The following KIAA2012 variants were observed in gnomAD, a reference collection of about 807,000 sequenced individuals.
KIAA2012 encodes the protein uncharacterized protein KIAA2012.
KIAA2012 carries 125 observed loss-of-function variants against 150.6 expected under a neutral mutation model. That is an observed-to-expected ratio of 0.83 (90% CI 0.72 to 0.96). The LOEUF (loss-of-function observed/expected upper bound fraction) is 0.96. KIAA2012 is among the 40% of genes least tolerant of loss of function. The pLI is 0.00. For missense variants in KIAA2012, 1,219 were observed against 1,354.9 expected, an observed-to-expected ratio of 0.90 and a Z score of 1.57; for synonymous variants, 462 against 504.7, an observed-to-expected ratio of 0.92 and a Z score of 1.13.
At chr2:202,115,224 A>G (rs1251646753) in intron 11 of KIAA2012, 1 of 152,040 alleles carries the variant, frequency 6.6e-6, no homozygotes, top group Admixed American at 6.6e-5. Flanking sequence ...TAATTGCAAA[A>G]ACCACAATTA....
chr2:202,078,503 G>T (rs1447192353), intron 2 of KIAA2012, among the ~76,000 whole-genome samples: 1 of 152,028 alleles, frequency 6.6e-6, no homozygotes, highest in Admixed American at 6.5e-5. Context: ...TGCCCAAGCT[G>T]GTCTCGAACT....
At chr2:202,169,865 A>G (rs1057051309) in intron 15 of KIAA2012, among the ~76,000 whole-genome samples, 5 of 152,164 alleles carry the variant, frequency 3.3e-5, no homozygotes, top group African/African-American at 1.2e-4. Flanking sequence ...TAGTTTAGGG[A>G]AGGGCGGATT....
intron 11 of KIAA2012, among the ~76,000 whole-genome samples, chr2:202,124,486 T>C (rs1270695098): frequency 1.3e-5 from 2 of 152,204 alleles, no homozygotes; most frequent in African/African-American, 4.8e-5. Context: ...TCCAACACTC[T>C]GTTTGTGCTA....
chr2:202,098,944 G>A (rs1689971606), intron 5 of KIAA2012, among the ~76,000 whole-genome samples: 1 of 145,578 alleles, frequency 6.9e-6, no homozygotes, highest in Non-Finnish European at 1.5e-5. Context: ...GAAAGGGGGA[G>A]AAGAGCCACA....
chr2:202,180,127 C>T (rs1006431540), intron 15 of KIAA2012, among the ~76,000 whole-genome samples: 4 of 151,954 alleles, frequency 2.6e-5, no homozygotes, highest in African/African-American at 9.7e-5. Flanking sequence ...CAAAATTAGC[C>T]GGGCATGGTG....
intron 16 of KIAA2012, 52 bp downstream of exon 16, chr2:202,184,895 G>A (rs941181028): frequency 6.9e-7 from 1 of 1,451,446 alleles, no homozygotes; most frequent in Non-Finnish European, 9.3e-7. Flanking sequence ...TATTTTGTTT[G>A]TATTTTTAAT....
At chr2:202,172,690 G>A (rs957834399) in intron 15 of KIAA2012, among the ~76,000 whole-genome samples, 1 of 152,222 alleles carries the variant, frequency 6.6e-6, no homozygotes, top group Non-Finnish European at 1.5e-5. Flanking sequence ...TGTAATGATT[G>A]CCTGACCTGT....
At chr2:202,122,702 C>T (rs1456700624) in intron 11 of KIAA2012, among the ~76,000 whole-genome samples, 3 of 152,156 alleles carry the variant, frequency 2.0e-5, no homozygotes, top group Non-Finnish European at 4.4e-5. Flanking sequence ...TGGGGTTTCA[C>T]TGTGTTGGTC....
intron 19 of KIAA2012, among the ~76,000 whole-genome samples, chr2:202,192,503 G>A (rs1692341005): frequency 6.7e-6 from 1 of 149,096 alleles, no homozygotes; most frequent in South Asian, 2.1e-4. Flanking sequence ...TTTTGCCCAG[G>A]CTGGAGTGCA....
intron 9 of KIAA2012, among the ~76,000 whole-genome samples, chr2:202,107,469 T>C (rs995268952): frequency 6.6e-6 from 1 of 152,162 alleles, no homozygotes; most frequent in African/African-American, 2.4e-5. Flanking sequence ...TTTCTACTTA[T>C]GGGCCACAAT....
At chr2:202,102,342 GGA>G (rs1489801069) in intron 7 of KIAA2012, among the ~76,000 whole-genome samples, 1 of 152,184 alleles carries the variant, frequency 6.6e-6, no homozygotes, top group East Asian at 1.9e-4. Context: ...GCTAACGAGA[GGA>G]GAGTCTACTC....
In KIAA2012 at chr2:202,109,718, C is replaced by T. The variant is rs1351893730; in HGVS notation, c.1580C>T (p.Thr527Ile). The change falls in exon 10 of 24, where the codon ACA becomes ATA. Residue 527 changes from threonine (T) to isoleucine (I), a missense_variant. Thr to Ile is a moderately conservative substitution (Grantham distance 89). Transcript: ENST00000498697. ...CAGAAGGGCGTGGACAGCCCTAGGA[C>T]ATCAGACCACAACAGCCCCCCAAGT... ...ESQKGVDSPRTSDHNSPPSLP... is the reference protein window; with the variant it reads ...ESQKGVDSPRISDHNSPPSLP... 6.4e-6 allele frequency: 10 copies of T among 1,550,438 alleles called. No individual in the cohort carries two copies. Among genetic ancestry groups the T allele is most frequent in the Non-Finnish European group, 8.7e-6 (10 of 1,146,996 alleles).
At chr2:202,179,441 A>G in intron 15 of KIAA2012, 1 of 719,176 alleles carries the variant, frequency 1.4e-6, no homozygotes, top group Non-Finnish European at 2.6e-6. Context: ...AGCAACCGAG[A>G]AAAAACAGAA....
rs1345472155 is a variant in KIAA2012, at chr2:202,090,997, G to GT, written c.529+72dup. On this transcript the variant is annotated intron_variant, in intron 3 of 23. Coordinates refer to ENST00000498697, the MANE Select transcript of KIAA2012 (RefSeq NM_001277372.4). ...ACCTCCCATTCTGGTGTGACAGTGTGTTTTCCATCAAGACCTGAAACACCA... is the reference window on the plus strand; with the variant it reads ...ACCTCCCATTCTGGTGTGACAGTGTGTTTTTCCATCAAGACCTGAAACACCA... The GT allele has an allele frequency of 4.1e-6, 6 of 1,463,990 alleles. No homozygotes were observed. The African/African-American group carries it at 8.5e-5, about 21-fold the overall frequency. The allele number at this position is 1,463,990 out of a possible 1,614,324, so 90.7% of individuals were successfully genotyped here.
intron 2 of KIAA2012, among the ~76,000 whole-genome samples, chr2:202,077,846 A>G (rs1184847154): frequency 6.6e-6 from 1 of 152,286 alleles, no homozygotes; most frequent in South Asian, 2.1e-4. Context: ...AAAGAAAAGA[A>G]AAGGAAAGGA....
chr2:202,184,844 G>A lies in KIAA2012; in HGVS notation c.2210+1G>A. On this transcript the variant is annotated splice_donor_variant, in intron 16 of 23. Coordinates refer to ENST00000498697, the MANE Select transcript of KIAA2012 (RefSeq NM_001277372.4). LOFTEE classifies it high-confidence loss of function. ...CAGAAGCAGATATTGTGCAAAAAGT[G>A]TAAGTGTTCAAAGTTGTAATAACAT... The A allele has an allele frequency of 1.3e-6, 2 of 1,545,194 alleles. No individual in the cohort carries two copies. The highest frequency in any genetic ancestry group is 1.7e-6 in the Non-Finnish European group (2 of 1,144,836).
intron 2 of KIAA2012, 59 bp downstream of exon 2, chr2:202,075,234 G>T: frequency 6.8e-7 from 1 of 1,466,824 alleles, no homozygotes; most frequent in Non-Finnish European, 9.0e-7. Flanking sequence ...TAGAAACCCA[G>T]TTGCAGCTTT....
chr2:202,127,850 T>C (rs1234432864), intron 12 of KIAA2012, among the ~76,000 whole-genome samples: 1 of 152,180 alleles, frequency 6.6e-6, no homozygotes, highest in Non-Finnish European at 1.5e-5. Context: ...TCTGAACCAT[T>C]TTTAGTGTGC....
intron 16 of KIAA2012, among the ~76,000 whole-genome samples, chr2:202,185,558 T>A (rs1692211090): frequency 6.6e-6 from 1 of 152,168 alleles, no homozygotes; most frequent in South Asian, 2.1e-4. Context: ...ATTTTTAGAA[T>A]TTTATACCTG....
Sources: gnomAD v4.1 joint callset for allele counts (sites outside exome capture counted in the v4.1 genomes callset) on GRCh38, gnomAD v4.1.1 for gene constraint, MANE v1.5 for transcripts, NCBI Gene and HGNC (gene_info 2026-07-23, HGNC 2026-07-21) for gene names.